TTI1: variants seen among roughly 807,000 people sequenced by gnomAD.
The protein encoded by TTI1 is TELO2-interacting protein 1 homolog.
In TTI1, 52 loss-of-function variants were observed where a neutral mutation model predicts 85.4. The ratio of observed to expected loss-of-function variants is 0.61; its 90% CI spans 0.49 to 0.77. The LOEUF is 0.77. TTI1 is among the 30% of genes least tolerant of loss of function. TTI1 has a pLI of 0.00. For synonymous variants in TTI1, 512 were observed against 503.9 expected (o/e 1.02, Z -0.22); for missense variants, 1,173 against 1,296.0 (o/e 0.91, Z 1.46).
In TTI1 at chr20:38,012,495, G is replaced by C. The variant is rs753748867; in HGVS notation, c.1322C>G (p.Ala441Gly). ...CCGTTCCTCAACAATCTTGATGTCA[G>C]CCACGTCTAGCTCTAGAACTTGGAT... ...ALIQVLELDVADIKIVEERRW... is the reference protein window; with the variant it reads ...ALIQVLELDVGDIKIVEERRW... Residue 441 changes from alanine (A) to glycine (G), a missense_variant, in exon 2 of 8, where the codon GCT becomes GGT. Coordinates refer to ENST00000373447, the MANE Select transcript of TTI1 (RefSeq NM_001303457.2). 9 of 1,614,170 alleles carry C rather than the reference G, an allele frequency of 5.6e-6. No individual in the cohort carries two copies. In the South Asian group the frequency reaches 9.9e-5, roughly 18 times the overall value.
intron 1 of TTI1, among the ~76,000 whole-genome samples, chr20:38,028,090 C>G (rs930864001): frequency 2.0e-5 from 3 of 152,134 alleles, no homozygotes; most frequent in Admixed American, 2.0e-4. Context: ...GGCCGCAGTT[C>G]AAATCTGTGT....
At chr20:38,024,608 G>GC (rs1411223712) in intron 1 of TTI1, among the ~76,000 whole-genome samples, 2 of 151,954 alleles carry the variant, frequency 1.3e-5, no homozygotes, top group Non-Finnish European at 2.9e-5. Context: ...GGGCACCCTC[G>GC]CAAGACAAAA....
chr20:38,027,990 C>T (rs1445278754), intron 1 of TTI1, among the ~76,000 whole-genome samples: 5 of 152,088 alleles, frequency 3.3e-5, no homozygotes, highest in Non-Finnish European at 7.4e-5. Flanking sequence ...GATCATTACA[C>T]AGGTCTGTCT....
chr20:37,999,238 C>T lies in TTI1; in HGVS notation c.2743G>A (p.Val915Ile), dbSNP rs199765713. The change falls in exon 5 of 8, where the codon GTT becomes ATT. Residue 915 changes from valine to isoleucine, a missense_variant. Val to Ile is a conservative substitution (Grantham distance 29). Transcript: ENST00000373447. ...PLAHQAWPSL[V>I]HRLTRDAPLA... Reference sequence around the variant, plus strand: ...GGGGCGTCCCGTGTGAGTCGGTGAACGAGCGAGGGCCAGGCCTGATGAGCC... The same window carrying T: ...GGGGCGTCCCGTGTGAGTCGGTGAATGAGCGAGGGCCAGGCCTGATGAGCC... 4.9e-5 allele frequency: 75 copies of T among 1,518,416 alleles called. No homozygotes were observed. The Admixed American group carries it at 1.3e-3, about 26-fold the overall frequency. 94.1% of individuals were successfully genotyped at this position (1,518,416 alleles called of 1,614,324 possible). A position where few individuals can be genotyped will look rare whatever the true frequency, so the allele number is the denominator to read the frequency against.
At chr20:38,014,515 GC>G (rs1568625473) in intron 1 of TTI1, among the ~76,000 whole-genome samples, 2 of 152,108 alleles carry the variant, frequency 1.3e-5, no homozygotes, top group Admixed American at 6.6e-5. Flanking sequence ...TCAACTTTAT[GC>G]ACTGAAAAGA....
intron 1 of TTI1, among the ~76,000 whole-genome samples, chr20:38,018,107 C>T (rs907642535): frequency 6.6e-6 from 1 of 151,922 alleles, no homozygotes; most frequent in Non-Finnish European, 1.5e-5. Context: ...AGGTAAATGC[C>T]CACAGCTAGT....
chr20:38,020,309 T>TA lies in TTI1; in HGVS notation c.-41-6453_-41-6452insT, dbSNP rs1568628803. ...GTGCTATGTCACTTGGCTACTCATA[T>TA]GAAAAAAAAAAAAAATATATATATA... is the stretch of plus-strand genomic sequence containing the variant. On this transcript the variant is annotated intron_variant, in intron 1 of 7. Transcript: ENST00000373447. 1.1e-3 allele frequency among the ~76,000 whole-genome samples: 53 copies of TA among 46,680 alleles called. 3 individuals carry two copies. The highest frequency in any genetic ancestry group is 1.9e-3 in the Admixed American group (8 of 4,248). 30.6% of individuals were successfully genotyped at this position (46,680 alleles called of 152,430 possible). A position where few individuals can be genotyped will look rare whatever the true frequency, so the allele number is the denominator to read the frequency against.
At chr20:38,015,208 C>A (rs1226353902) in intron 1 of TTI1, among the ~76,000 whole-genome samples, 3 of 152,168 alleles carry the variant, frequency 2.0e-5, no homozygotes, top group Non-Finnish European at 4.4e-5. Flanking sequence ...TGCCAAATTT[C>A]CCCATGGAGA....
chr20:38,012,836 T>C lies in TTI1; in HGVS notation c.981A>G (p.Glu327=). ...AGGCCTTCAGAAGGGGACCAGCACA[T>C]TCGACCAATGATTGACTGCACTTCA... is the stretch of plus-strand genomic sequence containing the variant. ...LLLKCSQSLV[E]CAGPLLKALV... is the part of the protein sequence containing the mutation. Residue 327 remains glutamate (E), a synonymous_variant, in exon 2 of 8, where the codon GAA becomes GAG. Coordinates refer to ENST00000373447, the MANE Select transcript of TTI1 (RefSeq NM_001303457.2). The C allele has an allele frequency of 6.2e-7, 1 of 1,614,198 alleles. No individual in the cohort carries two copies.
intron 1 of TTI1, 192 bp from the exon 2 acceptor site, chr20:38,014,049 C>A (rs1212733548): frequency 1.8e-6 from 1 of 565,570 alleles, no homozygotes; most frequent in Admixed American, 3.3e-5. Context: ...AAAGTCTCTT[C>A]AGGATTAGGA....
chr20:37,984,206 C>T (rs574928602), intron 7 of TTI1, among the ~76,000 whole-genome samples: 1 of 152,328 alleles, frequency 6.6e-6, no homozygotes, highest in South Asian at 2.1e-4. Flanking sequence ...GTGAGGAGCC[C>T]GTTTCCCCAC....
chr20:38,020,323 A>AAAAAAAAAAATAT, intron 1 of TTI1, among the ~76,000 whole-genome samples: 2 of 50,380 alleles, frequency 4.0e-5, no homozygotes, highest in African/African-American at 8.9e-5. Context: ...AAAAAAAAAA[A>AAAAAAAAAAATAT]ATATATATAT....
chr20:37,984,696 G>A (rs890411394), intron 7 of TTI1, among the ~76,000 whole-genome samples: 6 of 152,146 alleles, frequency 3.9e-5, no homozygotes, highest in Non-Finnish European at 8.8e-5. Context: ...AAGTAAGGCT[G>A]CCCCTTACTT....
chr20:38,017,355 G>C (rs868083040), intron 1 of TTI1, among the ~76,000 whole-genome samples: 2 of 151,994 alleles, frequency 1.3e-5, no homozygotes, highest in East Asian at 3.9e-4. Context: ...ACAAGGACTA[G>C]ATGGACTAAC....
At chr20:37,990,162 C>T (rs949912092) in intron 7 of TTI1, among the ~76,000 whole-genome samples, 2 of 152,218 alleles carry the variant, frequency 1.3e-5, no homozygotes, top group African/African-American at 4.8e-5. Flanking sequence ...AACTCGGTCT[C>T]ATCTTGTTTT....
intron 3 of TTI1, among the ~76,000 whole-genome samples, chr20:38,003,046 A>C (rs888900353): frequency 1.3e-5 from 2 of 152,004 alleles, no homozygotes; most frequent in African/African-American, 4.8e-5. Flanking sequence ...CTGCAATCTC[A>C]AACTTATGGG....
At chr20:38,020,323 AATATATATATATATAT>A (rs1159604655) in intron 1 of TTI1, among the ~76,000 whole-genome samples, 2 of 50,382 alleles carry the variant, frequency 4.0e-5, no homozygotes, top group Non-Finnish European at 7.2e-5. Context: ...AAAAAAAAAA[AATATATATATATATAT>A]ATATATATAT....
intron 7 of TTI1, among the ~76,000 whole-genome samples, chr20:37,990,813 C>T (rs996249475): frequency 3.3e-5 from 5 of 152,172 alleles, no homozygotes; most frequent in Non-Finnish European, 7.3e-5. Context: ...CAACCTGGCA[C>T]GGCATGCACT....
intron 1 of TTI1, among the ~76,000 whole-genome samples, chr20:38,020,318 AAAAAAAT>A (rs1568628917): frequency 4.5e-4 from 38 of 84,170 alleles, no homozygotes; most frequent in African/African-American, 1.7e-3. Flanking sequence ...ATGAAAAAAA[AAAAAAAT>A]ATATATATAT....
Sources: allele counts gnomAD v4.1 joint callset (sites outside exome capture counted in the v4.1 genomes callset), GRCh38; gene constraint gnomAD v4.1.1; transcripts MANE v1.5; gene names NCBI Gene and HGNC (gene_info 2026-07-23, HGNC 2026-07-21).